The following MBTPS2 variants were observed in gnomAD, a reference collection of about 807,000 sequenced individuals.
The protein encoded by MBTPS2 is membrane bound transcription factor peptidase, site 2.
Under a neutral mutation model 35.4 loss-of-function variants are expected in MBTPS2, and 2 were observed. The observed-to-expected ratio is 0.06, with a 90% CI of 0.02 to 0.18. The LOEUF is 0.18. Ranked by LOEUF, MBTPS2 falls within the 10% of genes least tolerant of loss-of-function variation. The probability of loss-of-function intolerance (pLI) is 1.00; values close to 1 mark genes in which losing one functional copy is unlikely to be tolerated. For missense variants in MBTPS2, 244 were observed against 386.5 expected, an observed-to-expected ratio of 0.63 and a Z score of 3.09; for synonymous variants, 125 against 140.4, an observed-to-expected ratio of 0.89 and a Z score of 0.77.
At chrX:21,857,749 G>A in intron 5 of MBTPS2, 1 of 670,678 alleles carries the variant, frequency 1.5e-6, no homozygotes, top group East Asian at 3.5e-5. Context: ...TTTTGTTAGA[G>A]TAGTAAAAAT....
At chrX:21,881,749 A>G (rs2092959591) in intron 10 of MBTPS2, among the ~76,000 whole-genome samples, 1 of 111,092 alleles carries the variant, frequency 9.0e-6, no homozygotes, top group Non-Finnish European at 1.9e-5. Context: ...CAGCCTGACC[A>G]ATATGGCGAA....
chrX:21,884,710 T>C lies in MBTPS2; in HGVS notation c.*2055T>C. On this transcript the variant is annotated 3_prime_UTR_variant, in exon 11 of 11. Transcript: ENST00000379484. The stretch of plus-strand genomic sequence containing the variant: ...TTCTACAGCAAGGACCATATCATAT[T>C]CATCTTTGCATCCCTGGCACAGTGC... 2.9e-6 allele frequency: 2 copies of C among 684,913 alleles called. No homozygotes were observed. The highest frequency in any genetic ancestry group is 3.5e-6 in the Non-Finnish European group (2 of 575,889). 56.4% of individuals were successfully genotyped at this position (684,913 alleles called of 1,213,427 possible).
chrX:21,873,656 C>T (rs980238876), intron 7 of MBTPS2, among the ~76,000 whole-genome samples: 7 of 110,991 alleles, frequency 6.3e-5, no homozygotes, highest in Non-Finnish European at 7.5e-5. Context: ...CCACCGTGAA[C>T]AGTTTACATT....
chrX:21,884,545 T>A lies in MBTPS2; in HGVS notation c.*1890T>A. On this transcript the variant is annotated 3_prime_UTR_variant, in exon 11 of 11. Transcript: ENST00000379484. ...ATTTTATTTCAACTGTTAAACATTT[T>A]GATCTGTTGACCCATAGGATCAGGA... 1.3e-6 allele frequency: 1 copy of A among 754,308 alleles called. No homozygotes were observed. 62.2% of individuals were successfully genotyped at this position (754,308 alleles called of 1,213,427 possible).
rs1349162352 is a variant in MBTPS2 at position 21,884,989 on chromosome X, G to A, written c.*2334G>A. On this transcript the variant is annotated 3_prime_UTR_variant, in exon 11 of 11. Coordinates refer to ENST00000379484, the MANE Select transcript of MBTPS2 (RefSeq NM_015884.4). ...TGGATTATTTTGAGGATTGAAGAAA[G>A]TGTTCTTTCTGCGTTGTCACTTTGT... The A allele has an allele frequency of 2.0e-5, 15 of 749,291 alleles. No homozygotes were observed. Among genetic ancestry groups the A allele is most frequent in the Non-Finnish European group, 2.2e-5 (14 of 635,944 alleles). The allele number at this position is 749,291 out of a possible 1,213,427, so 61.7% of individuals were successfully genotyped here. A position where few individuals can be genotyped will look rare whatever the true frequency, so the allele number is the denominator to read the frequency against.
chrX:21,881,945 A>G (rs1194331589), intron 10 of MBTPS2, among the ~76,000 whole-genome samples: 1 of 111,790 alleles, frequency 8.9e-6, no homozygotes, highest in African/African-American at 3.2e-5. Flanking sequence ...CAACAACAAC[A>G]ACAAAAAAGA....
intron 7 of MBTPS2, chrX:21,871,626 AT>A (rs1441394828): frequency 8.9e-6 from 1 of 112,022 alleles, no homozygotes; most frequent in African/African-American, 3.2e-5. Flanking sequence ...GTTGTTTCTA[AT>A]TCTTTTCATT....
At chrX:21,862,354 C>G (rs1254976525) in intron 5 of MBTPS2, among the ~76,000 whole-genome samples, 1 of 110,698 alleles carries the variant, frequency 9.0e-6, no homozygotes, top group East Asian at 2.8e-4. Flanking sequence ...TGGTCAGTTT[C>G]AAGCTGCAAA....
intron 5 of MBTPS2, among the ~76,000 whole-genome samples, chrX:21,855,579 G>C (rs577424036): frequency 9.1e-6 from 1 of 109,788 alleles, no homozygotes; most frequent in Non-Finnish European, 1.9e-5. Flanking sequence ...TTACAGGCAC[G>C]AGCCACCACG....
At chrX:21,854,003 C>T (rs1366436416) in intron 5 of MBTPS2, among the ~76,000 whole-genome samples, 1 of 111,153 alleles carries the variant, frequency 9.0e-6, no homozygotes, top group East Asian at 2.8e-4. Context: ...CCATCACAAC[C>T]CTGCATCACT....
intron 4 of MBTPS2, among the ~76,000 whole-genome samples, chrX:21,852,291 G>A (rs866059866): frequency 1.8e-5 from 2 of 112,010 alleles, no homozygotes; most frequent in African/African-American, 6.5e-5. Flanking sequence ...TAATTAGCAA[G>A]CATGCTAATA....
In MBTPS2 at chrX:21,883,310, G is replaced by C; in HGVS notation, c.*655G>C. The C allele has an allele frequency of 4.0e-6, 3 of 755,971 alleles. No homozygotes were observed. Among genetic ancestry groups the C allele is most frequent in the Non-Finnish European group, 4.7e-6 (3 of 640,451 alleles). 62.3% of individuals were successfully genotyped at this position (755,971 alleles called of 1,213,427 possible). On this transcript the variant is annotated 3_prime_UTR_variant, in exon 11 of 11. Coordinates refer to ENST00000379484, the MANE Select transcript of MBTPS2 (RefSeq NM_015884.4). The stretch of plus-strand genomic sequence containing the variant: ...TCGTGAGACATGTTTTGCCCCACAA[G>C]AGTTGCATCTTTTATAAGGTGTCTC...
Position 21,885,420 on chromosome X carries a change from T to A in MBTPS2, c.*2765T>A. Reference sequence around the variant, plus strand: ...AATAAATGTGTACCAGCATTTTATGTTTATCATCGTCTATGTGTTGTCTTT... The same window carrying A: ...AATAAATGTGTACCAGCATTTTATGATTATCATCGTCTATGTGTTGTCTTT... On this transcript the variant is annotated 3_prime_UTR_variant, in exon 11 of 11. Coordinates refer to ENST00000379484, the MANE Select transcript of MBTPS2 (RefSeq NM_015884.4). 1 of 750,729 alleles carries A rather than the reference T, an allele frequency of 1.3e-6. No individual in the cohort carries two copies. The highest frequency in any genetic ancestry group is 1.6e-6 in the Non-Finnish European group (1 of 635,950). The allele number at this position is 750,729 out of a possible 1,213,427, so 61.9% of individuals were successfully genotyped here.
intron 3 of MBTPS2, among the ~76,000 whole-genome samples, chrX:21,850,042 A>T: frequency 9.3e-6 from 1 of 107,731 alleles, no homozygotes; most frequent in East Asian, 2.9e-4. Flanking sequence ...AAAAAAAAAA[A>T]AAAAAAAGAG....
chrX:21,883,326 A>G lies in MBTPS2; in HGVS notation c.*671A>G. 2 of 755,725 alleles carry G rather than the reference A, an allele frequency of 2.6e-6. No homozygotes were observed. The highest frequency in any genetic ancestry group is 3.1e-6 in the Non-Finnish European group (2 of 640,357). 62.3% of individuals were successfully genotyped at this position (755,725 alleles called of 1,213,427 possible). On this transcript the variant is annotated 3_prime_UTR_variant, in exon 11 of 11. Coordinates refer to ENST00000379484, the MANE Select transcript of MBTPS2 (RefSeq NM_015884.4). The stretch of plus-strand genomic sequence containing the variant: ...GCCCCACAAGAGTTGCATCTTTTAT[A>G]AGGTGTCTCTGCCCCCTCATAAAGC...
Position 21,882,771 on chromosome X carries a change from T to C in MBTPS2, c.*116T>C. On this transcript the variant is annotated 3_prime_UTR_variant, in exon 11 of 11. Coordinates refer to ENST00000379484, the MANE Select transcript of MBTPS2 (RefSeq NM_015884.4). ...TATAAAGTGTTTCCTTAAAATTACA[T>C]CTTAGCCAACAACCCTGAGCTCCTC... 1 of 1,153,804 alleles carries C rather than the reference T, an allele frequency of 8.7e-7. No homozygotes were observed. Among genetic ancestry groups the C allele is most frequent in the South Asian group, 1.9e-5 (1 of 51,515 alleles).
chrX:21,848,055 A>G (rs979905752), intron 3 of MBTPS2, among the ~76,000 whole-genome samples: 3 of 112,778 alleles, frequency 2.7e-5, no homozygotes, highest in Non-Finnish European at 5.6e-5. Flanking sequence ...CAACCAAAAT[A>G]TCTAATTGAG....
chrX:21,869,714 A>G, intron 7 of MBTPS2, 36 bp downstream of exon 7: 1 of 1,028,909 alleles, frequency 9.7e-7, no homozygotes, highest in Non-Finnish European at 1.4e-6. Flanking sequence ...TAATGCTTCA[A>G]GCACCAGTAC....
At chrX:21,852,378 C>T (rs2092915726) in intron 4 of MBTPS2, among the ~76,000 whole-genome samples, 1 of 111,737 alleles carries the variant, frequency 8.9e-6, no homozygotes, top group Non-Finnish European at 1.9e-5. Context: ...AAGATGTAAT[C>T]ACTTCTTATT....
Sources: gnomAD v4.1 joint callset for allele counts (sites outside exome capture counted in the v4.1 genomes callset) on GRCh38, gnomAD v4.1.1 for gene constraint, MANE v1.5 for transcripts, NCBI Gene and HGNC (gene_info 2026-07-23, HGNC 2026-07-21) for gene names.